The following SMC1B variants were observed in gnomAD, a reference collection of about 807,000 sequenced individuals.
The protein encoded by SMC1B is structural maintenance of chromosomes 1B, also known as structural maintenance of chromosomes protein 1B.
A neutral mutation model predicts 157.9 loss-of-function variants in SMC1B; 60 were observed. That is an observed-to-expected ratio of 0.38 (90% confidence interval 0.31 to 0.47). The LOEUF is 0.47. Ranked by LOEUF, SMC1B falls within the 20% of genes least tolerant of loss-of-function variation. The probability of loss-of-function intolerance (pLI) is 0.99; values close to 1 mark genes in which losing one functional copy is unlikely to be tolerated. For missense variants in SMC1B, 1,165 were observed against 1,426.2 expected, an observed-to-expected ratio of 0.82 and a Z score of 2.95; for synonymous variants, 445 against 483.0, an observed-to-expected ratio of 0.92 and a Z score of 1.03.
chr22:45,376,891 A>C (rs1320172291), intron 12 of SMC1B, among the ~76,000 whole-genome samples: 1 of 152,170 alleles, frequency 6.6e-6, no homozygotes, highest in Non-Finnish European at 1.5e-5. Context: ...CAGAACACCA[A>C]AACTTTCATT....
intron 18 of SMC1B, among the ~76,000 whole-genome samples, chr22:45,359,007 G>A (rs1317754645): frequency 6.6e-6 from 1 of 152,008 alleles, no homozygotes; most frequent in Non-Finnish European, 1.5e-5. Context: ...ATATGCTGTT[G>A]GAAAAATGGT....
chr22:45,358,721 G>A lies in SMC1B; in HGVS notation c.2937C>T (p.Tyr979=). The A allele has an allele frequency of 6.2e-7, 1 of 1,611,216 alleles. No homozygotes were observed. The highest frequency in any genetic ancestry group is 1.1e-5 in the South Asian group (1 of 90,914). The change falls in exon 19 of 25, where the codon TAC becomes TAT. Residue 979 remains tyrosine, a synonymous_variant. Transcript: ENST00000357450. ...CCTTCAAATCCTCTTTTAGAGAGCT[G>A]TAGTCTATTTCAAAGGCTTCTTCTT... The part of the protein sequence containing the change: ...YEKEEAFEID[Y]SSLKEDLKAL...
At chr22:45,390,518 C>A (rs767508921) in intron 9 of SMC1B, among the ~76,000 whole-genome samples, 2 of 151,966 alleles carry the variant, frequency 1.3e-5, no homozygotes, top group Non-Finnish European at 2.9e-5. Flanking sequence ...CCATCCTGGT[C>A]AACATGGTGA....
At chr22:45,364,951 C>A (rs1253260843) in intron 15 of SMC1B, among the ~76,000 whole-genome samples, 1 of 150,876 alleles carries the variant, frequency 6.6e-6, no homozygotes, top group Non-Finnish European at 1.5e-5. Context: ...CATTCTGCTG[C>A]CTCAGCCTCC....
At position 45,372,164 on chromosome 22, in the gene SMC1B, A is replaced by G. The variant is rs1397137356; in HGVS notation, c.2187T>C (p.Ala729=). The change falls in exon 13 of 25, where the codon GCT becomes GCC. Residue 729 remains alanine (A), a synonymous_variant. Coordinates refer to ENST00000357450, the MANE Select transcript of SMC1B (RefSeq NM_148674.5). The stretch of plus-strand genomic sequence containing the variant: ...TGTAAGTCTATATTACCTGGTAAAA[A>G]GCAACAAGGTGCTTCTTCTTAATCA... The part of the protein sequence containing the change: ...LEMIKKKHLV[A]FYQEQSQLQS... 6.2e-7 allele frequency: 1 copy of G among 1,602,580 alleles called. No individual in the cohort carries two copies. The highest frequency in any genetic ancestry group is 1.3e-5 in the African/African-American group (1 of 74,218).
intron 7 of SMC1B, among the ~76,000 whole-genome samples, chr22:45,395,464 T>C (rs2087111994): frequency 6.6e-6 from 1 of 152,200 alleles, no homozygotes; most frequent in African/African-American, 2.4e-5. Context: ...AGGTTTACAA[T>C]GGACACAATT....
At chr22:45,369,044 C>T (rs942947484) in intron 15 of SMC1B, among the ~76,000 whole-genome samples, 1 of 151,858 alleles carries the variant, frequency 6.6e-6, no homozygotes, top group African/African-American at 2.4e-5. Context: ...TTGAAAATTA[C>T]CACTTACTAT....
At chr22:45,412,498 CTTTTTTTTTTT>C (rs56894434) in intron 1 of SMC1B, among the ~76,000 whole-genome samples, 1,862 of 65,490 alleles carry the variant, frequency 0.028, 62 homozygotes, top group African/African-American at 0.13. Flanking sequence ...CGCGCCCAGC[CTTTTTTTTTTT>C]TTTTTTTTTT....
intron 21 of SMC1B, among the ~76,000 whole-genome samples, chr22:45,353,081 G>A (rs1381010981): frequency 6.6e-6 from 1 of 152,034 alleles, no homozygotes; most frequent in Non-Finnish European, 1.5e-5. Flanking sequence ...GACCAGTCTG[G>A]CCAACATGGT....
At chr22:45,382,478 G>A (rs937598120) in intron 12 of SMC1B, among the ~76,000 whole-genome samples, 1 of 152,226 alleles carries the variant, frequency 6.6e-6, no homozygotes, top group Non-Finnish European at 1.5e-5. Context: ...AGAGGGGACT[G>A]AGTAAAAGGA....
intron 21 of SMC1B, among the ~76,000 whole-genome samples, chr22:45,353,058 G>A (rs2086630139): frequency 6.6e-6 from 1 of 152,076 alleles, no homozygotes; most frequent in Non-Finnish European, 1.5e-5. Flanking sequence ...ATCACTTGAG[G>A]TCAGGAGTTT....
At chr22:45,349,932 T>C (rs1418109093) in intron 22 of SMC1B, 135 bp from the exon 23 acceptor site, 4 of 689,960 alleles carry the variant, frequency 5.8e-6, no homozygotes, top group Non-Finnish European at 9.6e-6. Flanking sequence ...GTGACCTCTA[T>C]GTTACTAAAT....
At position 45,359,933 on chromosome 22, in the gene SMC1B, C is replaced by T. The variant is rs2086705408; in HGVS notation, c.2734G>A (p.Val912Ile). 1 of 1,613,090 alleles carries T rather than the reference C, an allele frequency of 6.2e-7. No individual in the cohort carries two copies. Among genetic ancestry groups the T allele is most frequent in the African/African-American group, 1.3e-5 (1 of 74,930 alleles). The change falls in exon 18 of 25, where the codon GTT becomes ATT. Residue 912 changes from valine to isoleucine, a missense_variant. Coordinates refer to ENST00000357450, the MANE Select transcript of SMC1B (RefSeq NM_148674.5). ...DREVGKLQKE[V>I]VSIQTSLEQK... The stretch of plus-strand genomic sequence containing the variant: ...TCCAGAGAAGTTTGAATACTTACAA[C>T]TTCTTTTTGCAATTTCCCCACTTCC...
chr22:45,371,686 C>A, intron 13 of SMC1B, 99 bp from the exon 14 acceptor site: 1 of 1,372,052 alleles, frequency 7.3e-7, no homozygotes, highest in Non-Finnish European at 9.7e-7. Context: ...AAAGAAGAAT[C>A]TATGAGATAA....
chr22:45,413,561 G>T lies in SMC1B; in HGVS notation c.7C>A (p.His3Asn). The stretch of plus-strand genomic sequence containing the variant: ...TTTTCCACAAGCAGCAGCTCCAGGT[G>T]GGCCATGGCGCCGCCCTCCACGCCT... Reference protein sequence around the residue: MAHLELLLVENFK... With the variant: MANLELLLVENFK... Residue 3 changes from histidine to asparagine, a missense_variant, in exon 1 of 25, where the codon CAC becomes AAC. Transcript: ENST00000357450. 6.2e-7 allele frequency: 1 copy of T among 1,604,352 alleles called. No homozygotes were observed. Among genetic ancestry groups the T allele is most frequent in the Non-Finnish European group, 8.5e-7 (1 of 1,175,484 alleles).
chr22:45,366,987 TTTG>T (rs2086782688), intron 15 of SMC1B, among the ~76,000 whole-genome samples: 5 of 152,196 alleles, frequency 3.3e-5, no homozygotes, highest in Admixed American at 3.3e-4. Context: ...TTTCAATCTC[TTTG>T]TTAAGCTTCT....
At chr22:45,388,896 A>G (rs900711533) in intron 10 of SMC1B, among the ~76,000 whole-genome samples, 2 of 148,016 alleles carry the variant, frequency 1.4e-5, no homozygotes, top group African/African-American at 5.0e-5. Context: ...CTGAGGCAGG[A>G]GAATTGCTTG....
In SMC1B at chr22:45,361,903, A is replaced by G. The variant is rs1342789017; in HGVS notation, c.2644T>C (p.Ser882Pro). 3 of 1,614,052 alleles carry G rather than the reference A, an allele frequency of 1.9e-6. No individual in the cohort carries two copies. The highest frequency in any genetic ancestry group is 2.2e-5 in the East Asian group (1 of 44,870). Residue 882 changes from serine to proline, a missense_variant, in exon 17 of 25, where the codon TCC (serine) becomes CCC (proline). Ser to Pro is a moderately conservative substitution (Grantham distance 74). Transcript: ENST00000357450. ...TGAGTTTGAACTTTCTCGGCACTGG[A>G]GTTCTGAGTGACACGTATGTCCTTA... Reference protein sequence around the residue: ...QLKDIRVTQNSSAEKVQTQIE... With the variant: ...QLKDIRVTQNPSAEKVQTQIE...
intron 5 of SMC1B, among the ~76,000 whole-genome samples, chr22:45,400,082 T>A (rs2087174915): frequency 6.6e-6 from 1 of 152,228 alleles, no homozygotes; most frequent in African/African-American, 2.4e-5. Flanking sequence ...TGAAAATATT[T>A]ATAGCTATGT....
Sources: allele counts gnomAD v4.1 joint callset (sites outside exome capture counted in the v4.1 genomes callset), GRCh38; gene constraint gnomAD v4.1.1; transcripts MANE v1.5; gene names NCBI Gene and HGNC (gene_info 2026-07-23, HGNC 2026-07-21).